The following DRG1 variants were observed in gnomAD, a reference collection of about 807,000 sequenced individuals.
DRG1 encodes developmentally regulated GTP binding protein 1.
DRG1 carries 19 observed loss-of-function variants against 38.8 expected under a neutral mutation model. The observed-to-expected ratio is 0.49, with a 90% CI of 0.34 to 0.72. The LOEUF is 0.72. DRG1 is among the 30% of genes least tolerant of loss of function. The probability of loss-of-function intolerance (pLI) is 0.01; values close to 1 mark genes in which losing one functional copy is unlikely to be tolerated. For synonymous variants in DRG1, 167 were observed against 157.5 expected, an observed-to-expected ratio of 1.06 and a Z score of -0.45; for missense variants, 299 against 444.8, an observed-to-expected ratio of 0.67 and a Z score of 2.95.
At chr22:31,417,137 C>T (rs145091177) in intron 4 of DRG1, among the ~76,000 whole-genome samples, 8,801 of 151,352 alleles carry the variant, frequency 0.058, 289 homozygotes, top group African/African-American at 0.087. Flanking sequence ...TTTGGGAGGC[C>T]GAGGCGGGTG....
intron 3 of DRG1, among the ~76,000 whole-genome samples, chr22:31,406,676 G>GA (rs763887549): frequency 0.01 from 1,396 of 135,908 alleles, 9 homozygotes; most frequent in African/African-American, 0.029. Flanking sequence ...CCCTGTCCCG[G>GA]AAAAAAAAAA....
chr22:31,426,701 G>A lies in DRG1; in HGVS notation c.800G>A (p.Cys267Tyr). Residue 267 changes from cysteine to tyrosine, a missense_variant, in exon 7 of 9, where the codon TGT becomes TAT. This residue lies in a region of DRG1 where 198 missense variants were observed against 268.1 expected (regional missense o/e 0.74). Transcript: ENST00000331457. ...GATATCATCTATAAGGTGCCTCACT[G>A]TGTACCCATCTCTGCCCATCACCGC... ...ELDIIYKVPHCVPISAHHRWN... is the reference protein window; with the variant it reads ...ELDIIYKVPHYVPISAHHRWN... The A allele has an allele frequency of 6.2e-7, 1 of 1,614,094 alleles. No individual in the cohort carries two copies. Among genetic ancestry groups the A allele is most frequent in the Non-Finnish European group, 8.5e-7 (1 of 1,180,010 alleles).
intron 5 of DRG1, among the ~76,000 whole-genome samples, chr22:31,422,762 A>G (rs900879787): frequency 1.3e-5 from 2 of 152,214 alleles, no homozygotes; most frequent in African/African-American, 4.8e-5. Flanking sequence ...ATACGGTACC[A>G]CAGATGGGTG....
chr22:31,410,667 T>C (rs940961964), intron 3 of DRG1, among the ~76,000 whole-genome samples: 1 of 151,860 alleles, frequency 6.6e-6, no homozygotes, highest in African/African-American at 2.4e-5. Flanking sequence ...TACAAAAAAG[T>C]TTGCCAGCGT....
intron 6 of DRG1, among the ~76,000 whole-genome samples, chr22:31,423,673 C>G (rs571407968): frequency 2.7e-5 from 4 of 150,914 alleles, no homozygotes; most frequent in Non-Finnish European, 5.9e-5. Flanking sequence ...ATTACAGGTG[C>G]GCACCACCAC....
At position 31,399,713 on chromosome 22, in the gene DRG1, G is replaced by T. The variant is rs1473354152; in HGVS notation, c.30G>T (p.Glu10Asp). 6.2e-7 allele frequency: 1 copy of T among 1,614,008 alleles called. No individual in the cohort carries two copies. The highest frequency in any genetic ancestry group is 8.5e-7 in the Non-Finnish European group (1 of 1,179,876). Residue 10 changes from glutamate to aspartate, a missense_variant, in exon 1 of 9, where the codon GAG (glutamate) becomes GAT (aspartate). By Grantham distance (45) the Glu-to-Asp change is conservative. This residue lies in a region of DRG1 where 51 missense variants were observed against 56.1 expected (regional missense o/e 0.91). Coordinates refer to ENST00000331457, the MANE Select transcript of DRG1 (RefSeq NM_004147.4). MSSTLAKIA[E>D]IEAEMARTQK... ...GCAGCACCTTAGCTAAGATCGCGGA[G>T]ATAGAAGCAGAGGTAATGGACGCAG...
intron 4 of DRG1, among the ~76,000 whole-genome samples, chr22:31,418,891 C>T (rs115356997): frequency 0.018 from 2,663 of 152,120 alleles, 29 homozygotes; most frequent in Middle Eastern, 0.027. Context: ...CCATGTTGGC[C>T]GGGATGGTCT....
At chr22:31,432,303 TTAA>T (rs1424056547) in intron 8 of DRG1, among the ~76,000 whole-genome samples, 1 of 151,996 alleles carries the variant, frequency 6.6e-6, no homozygotes, top group Non-Finnish European at 1.5e-5. Flanking sequence ...TACAACTCTC[TTAA>T]TAATAGAAAA....
chr22:31,421,460 T>A (rs1272512988), intron 5 of DRG1: 1 of 151,938 alleles, frequency 6.6e-6, no homozygotes, highest in African/African-American at 2.4e-5. Flanking sequence ...AAATGAACTC[T>A]TATTACTAAA....
rs374684427 is a variant in DRG1 at position 31,428,337 on chromosome 22, G to A, written c.1004+1155G>A. Among the ~76,000 whole-genome samples, 9 of 151,722 alleles carry A rather than the reference G, an allele frequency of 5.9e-5. No homozygotes were observed. In the East Asian group the frequency reaches 7.8e-4, roughly 13 times the overall value. On this transcript the variant is annotated intron_variant, in intron 8 of 8. Transcript: ENST00000331457. ...TGCCATTCTCCTGCCTCAGCCTCCCGAGTAGCTGGGACTACAGGTGCCCGC... is the reference window on the plus strand; with the variant it reads ...TGCCATTCTCCTGCCTCAGCCTCCCAAGTAGCTGGGACTACAGGTGCCCGC...
Position 31,423,273 on chromosome 22 carries a change from C to G in DRG1, c.583-7C>G, listed in dbSNP as rs1168970758. 3 of 1,613,716 alleles carry G rather than the reference C, an allele frequency of 1.9e-6. No homozygotes were observed. The South Asian group carries it at 3.3e-5, about 18-fold the overall frequency. On this transcript the variant is annotated splice_region_variant and splice_polypyrimidine_tract_variant and intron_variant, in intron 5 of 8. Transcript: ENST00000331457. The stretch of plus-strand genomic sequence containing the variant: ...GTGCTGACTAGTCATCTGCTATTCC[C>G]TTTCAGTGCCCCCAGAGTGAGCTGG...
chr22:31,406,691 A>G lies in DRG1; in HGVS notation c.342+3487A>G, dbSNP rs12169287. ...CCCTGTCCCGGAAAAAAAAAAAAAA[A>G]GTTGCAAACATAGTACAAAGAGTTC... On this transcript the variant is annotated intron_variant, in intron 3 of 8. Coordinates refer to ENST00000331457, the MANE Select transcript of DRG1 (RefSeq NM_004147.4). Among the ~76,000 whole-genome samples the G allele has an allele frequency of 6.3e-3, 954 of 152,086 alleles. 12 individuals are homozygous for G. The highest frequency in any genetic ancestry group is 0.021 in the African/African-American group (876 of 41,496).
At position 31,399,620 on chromosome 22, in the gene DRG1, G is replaced by C; in HGVS notation, c.-64G>C. On this transcript the variant is annotated 5_prime_UTR_variant, in exon 1 of 9. Coordinates refer to ENST00000331457, the MANE Select transcript of DRG1 (RefSeq NM_004147.4). ...GCGTGCTGCAGTAGCGCCTGGTGGC[G>C]GTGGCAGTTTGCCCGCGGGTGTGTG... The C allele has an allele frequency of 6.2e-7, 1 of 1,609,960 alleles. No individual in the cohort carries two copies. The highest frequency in any genetic ancestry group is 8.5e-7 in the Non-Finnish European group (1 of 1,176,152).
At chr22:31,414,123 G>A (rs974500722) in intron 4 of DRG1, among the ~76,000 whole-genome samples, 1 of 152,080 alleles carries the variant, frequency 6.6e-6, no homozygotes, top group Non-Finnish European at 1.5e-5. Flanking sequence ...AATGTGGATT[G>A]CCCCAACACC....
At chr22:31,431,035 C>CGGGGGG (rs2050136481) in intron 8 of DRG1, among the ~76,000 whole-genome samples, 7 of 56,756 alleles carry the variant, frequency 1.2e-4, no homozygotes, top group East Asian at 1.3e-3. Context: ...CCCCCCCCCG[C>CGGGGGG]TTTTTTTTTT....
At position 31,430,531 on chromosome 22, in the gene DRG1, C is replaced by T. The variant is rs2145872445; in HGVS notation, c.1005-3341C>T. On this transcript the variant is annotated intron_variant, in intron 8 of 8. Transcript: ENST00000331457. ...TCTCCTGCCTCAGCCTCCTGAGTAG[C>T]TGGGACTACAGGCACCCGCCACCAC... Among the ~76,000 whole-genome samples, 2 of 152,012 alleles carry T rather than the reference C, an allele frequency of 1.3e-5. 1 individual carries two copies. Among genetic ancestry groups the T allele is most frequent in the Middle Eastern group, 6.8e-3 (2 of 294 alleles).
intron 4 of DRG1, among the ~76,000 whole-genome samples, chr22:31,419,045 C>G (rs1433253730): frequency 6.6e-6 from 1 of 152,104 alleles, no homozygotes; most frequent in Non-Finnish European, 1.5e-5. Context: ...AAGCTCCTGA[C>G]CTCAGGTGAT....
intron 6 of DRG1, 54 bp downstream of exon 6, chr22:31,423,464 A>C (rs2050088843): frequency 1.2e-6 from 2 of 1,604,850 alleles, no homozygotes; most frequent in African/African-American, 2.7e-5. Flanking sequence ...CTTGTGATGG[A>C]AACAGTATTG....
intron 4 of DRG1, 94 bp downstream of exon 4, chr22:31,411,175 C>A: frequency 7.7e-7 from 1 of 1,297,166 alleles, no homozygotes; most frequent in Non-Finnish European, 1.1e-6. Context: ...GATTATACCA[C>A]AGTGAAGGGC....
Sources: gnomAD v4.1 joint callset for allele counts (sites outside exome capture counted in the v4.1 genomes callset) on GRCh38, gnomAD v4.1.1 for gene constraint, gnomAD v4.1.1 regional missense constraint, MANE v1.5 for transcripts, NCBI Gene and HGNC (gene_info 2026-07-23, HGNC 2026-07-21) for gene names.